Variants in HDAC4 observed in about 807,000 individuals in gnomAD.
HDAC4 encodes histone deacetylase A.
HDAC4 carries 16 observed loss-of-function variants against 135.1 expected under a neutral mutation model. That is an observed-to-expected ratio of 0.12 (90% CI 0.08 to 0.18). The LOEUF (loss-of-function observed/expected upper bound fraction) is 0.18. Ranked by LOEUF, HDAC4 falls within the 10% of genes least tolerant of loss-of-function variation. HDAC4 has a pLI of 1.00. For synonymous variants in HDAC4, 685 were observed against 653.4 expected, an observed-to-expected ratio of 1.05 and a Z score of -0.74; for missense variants, 1,143 against 1,511.8, an observed-to-expected ratio of 0.76 and a Z score of 4.05.
intron 2 of HDAC4, among the ~76,000 whole-genome samples, chr2:239,252,471 TC>T (rs2048837613): frequency 6.6e-6 from 1 of 152,212 alleles, no homozygotes; most frequent in Admixed American, 6.5e-5. Context: ...CCTCTGACTT[TC>T]CCCTCCTTCA....
rs191781069 is a variant in HDAC4, at chr2:239,195,712, T to A, written c.95-5635A>T. ...CAAAACAAAAAAGTCTGTATTCTCATGAATATTCTACGGTACAGCAGAAAA... is the reference window on the plus strand; with the variant it reads ...CAAAACAAAAAAGTCTGTATTCTCAAGAATATTCTACGGTACAGCAGAAAA... On this transcript the variant is annotated intron_variant, in intron 3 of 26. Transcript: ENST00000543185. Among the ~76,000 whole-genome samples, 9 of 152,314 alleles carry A rather than the reference T, an allele frequency of 5.9e-5. No homozygotes were observed. In the East Asian group the frequency reaches 1.7e-3, roughly 29 times the overall value.
chr2:239,064,018 C>T lies in HDAC4; in HGVS notation c.3003+2704G>A, dbSNP rs1201580881. ...GCCGATCATCTGCAGGCCTCACCCA[C>T]GGCCCTTAGATCAGGAGTCACTGCA... On this transcript the variant is annotated intron_variant, in intron 24 of 26. Coordinates refer to ENST00000543185, the MANE Select transcript of HDAC4 (RefSeq NM_001378414.1). 7.9e-5 allele frequency among the ~76,000 whole-genome samples: 12 copies of T among 152,350 alleles called. No individual in the cohort carries two copies. The East Asian group carries it at 1.5e-3, about 20-fold the overall frequency.
intron 3 of HDAC4, among the ~76,000 whole-genome samples, chr2:239,231,844 T>A (rs1393356421): frequency 2.5e-5 from 3 of 119,460 alleles, no homozygotes; most frequent in Admixed American, 1.7e-4. Flanking sequence ...GAGGTAGGCG[T>A]CCTCCCCGAA....
At chr2:239,282,051 A>C (rs62649965) in intron 2 of HDAC4, among the ~76,000 whole-genome samples, 8,834 of 149,950 alleles carry the variant, frequency 0.059, 478 homozygotes, top group Non-Finnish European at 0.083. Flanking sequence ...CCACTCTACA[A>C]TTTACCCACC....
intron 16 of HDAC4, among the ~76,000 whole-genome samples, chr2:239,095,339 A>T (rs2036920147): frequency 6.6e-6 from 1 of 152,202 alleles, no homozygotes. Flanking sequence ...AGAGGCACCA[A>T]GCCACTGGGG....
chr2:239,236,908 C>T (rs527429779), intron 2 of HDAC4, among the ~76,000 whole-genome samples: 166 of 152,300 alleles, frequency 1.1e-3, no homozygotes, highest in African/African-American at 3.9e-3. Flanking sequence ...ACTGGCTTAG[C>T]AATTTGGGTT....
intron 5 of HDAC4, among the ~76,000 whole-genome samples, chr2:239,173,873 C>T (rs372491153): frequency 6.6e-6 from 1 of 152,130 alleles, no homozygotes; most frequent in Non-Finnish European, 1.5e-5. Flanking sequence ...CCAAGCCATT[C>T]ACAATAGCAA....
At chr2:239,092,908 TTC>T (rs931488626) in intron 17 of HDAC4, among the ~76,000 whole-genome samples, 4 of 152,206 alleles carry the variant, frequency 2.6e-5, no homozygotes, top group Admixed American at 2.0e-4. Flanking sequence ...TCCTCTCCTT[TTC>T]TCTCTCTTTC....
At chr2:239,350,425 A>C (rs950271572) in intron 2 of HDAC4, among the ~76,000 whole-genome samples, 2 of 152,180 alleles carry the variant, frequency 1.3e-5, no homozygotes, top group Non-Finnish European at 2.9e-5. Context: ...TAAATAACTC[A>C]ACTGAGTTAA....
intron 3 of HDAC4, among the ~76,000 whole-genome samples, chr2:239,202,341 T>C (rs2045805825): frequency 6.6e-6 from 1 of 152,162 alleles, no homozygotes; most frequent in South Asian, 2.1e-4. Flanking sequence ...ACCTGGTCTC[T>C]CCAAATTTCC....
intron 7 of HDAC4, among the ~76,000 whole-genome samples, chr2:239,147,217 A>G (rs1380913052): frequency 1.3e-5 from 2 of 152,170 alleles, no homozygotes; most frequent in Non-Finnish European, 2.9e-5. Flanking sequence ...GAGAACAGAG[A>G]AGCCCTAGGG....
chr2:239,188,119 G>A (rs1481401064), intron 4 of HDAC4, among the ~76,000 whole-genome samples: 1 of 152,188 alleles, frequency 6.6e-6, no homozygotes, highest in Non-Finnish European at 1.5e-5. Context: ...GCCAGAGGGG[G>A]CCGAGTACAG....
At chr2:239,257,568 C>T (rs144727196) in intron 2 of HDAC4, among the ~76,000 whole-genome samples, 1 of 152,240 alleles carries the variant, frequency 6.6e-6, no homozygotes, top group East Asian at 1.9e-4. Context: ...GGGTTGGGAT[C>T]TGGAAGCAAC....
At chr2:239,235,772 G>A (rs1403515234) in intron 3 of HDAC4, among the ~76,000 whole-genome samples, 3 of 152,216 alleles carry the variant, frequency 2.0e-5, no homozygotes, top group Non-Finnish European at 4.4e-5. Context: ...GGGCGCGGTG[G>A]CTCACGCCTG....
rs538718721 is a variant in HDAC4, at chr2:239,334,671, G to C, written c.22+18007C>G. 5.9e-5 allele frequency among the ~76,000 whole-genome samples: 9 copies of C among 152,292 alleles called. No individual in the cohort carries two copies. The East Asian group carries it at 1.7e-3, about 29-fold the overall frequency. On this transcript the variant is annotated intron_variant, in intron 2 of 26. Transcript: ENST00000543185. ...ATAAACTGATTTCATATGCAAATCA[G>C]TGGATCCCAATTGAGACCACAGCAG... is the stretch of plus-strand genomic sequence containing the variant.
At chr2:239,073,157 C>T (rs938122143) in intron 22 of HDAC4, among the ~76,000 whole-genome samples, 1 of 152,228 alleles carries the variant, frequency 6.6e-6, no homozygotes, top group Admixed American at 6.5e-5. Flanking sequence ...AAGAAACTCA[C>T]TTCTGGAACT....
intron 2 of HDAC4, among the ~76,000 whole-genome samples, chr2:239,269,328 C>G (rs2049932612): frequency 6.6e-6 from 1 of 152,030 alleles, no homozygotes; most frequent in Admixed American, 6.5e-5. Flanking sequence ...CACATTCACA[C>G]ACCCACATAC....
chr2:239,352,871 G>GGT lies in HDAC4; in HGVS notation c.-173_-172insAC, dbSNP rs1669268265. The GGT allele has an allele frequency of 6.6e-5, 46 of 700,662 alleles. No individual in the cohort carries two copies. The South Asian group carries it at 6.9e-4, about 10-fold the overall frequency. The allele number at this position is 700,662 out of a possible 1,614,324, so 43.4% of individuals were successfully genotyped here. ...TCGCCGGCAAGGTCTCATGAGCCAGGTAACCCACAAGTTGAACAGAGGCGT... is the reference window on the plus strand; with the variant it reads ...TCGCCGGCAAGGTCTCATGAGCCAGGGTTAACCCACAAGTTGAACAGAGGCGT... On this transcript the variant is annotated 5_prime_UTR_variant, in exon 2 of 27. An upstream open reading frame in the 5' UTR loses its in-frame stop. Coordinates refer to ENST00000543185, the MANE Select transcript of HDAC4 (RefSeq NM_001378414.1). This position sits in a 1 kb window ranked among gnomAD's most constrained non-coding sequence, Gnocchi z 4.4.
chr2:239,217,053 C>T (rs2046682365), intron 3 of HDAC4, among the ~76,000 whole-genome samples: 1 of 152,196 alleles, frequency 6.6e-6, no homozygotes, highest in South Asian at 2.1e-4. Flanking sequence ...GAAAGGGAGC[C>T]TCCTTGGCAG....
Sources: gnomAD v4.1 joint callset for allele counts (sites outside exome capture counted in the v4.1 genomes callset) on GRCh38, gnomAD v4.1.1 for gene constraint, Gnocchi (gnomAD v3.1) non-coding constraint, MANE v1.5 for transcripts, NCBI Gene and HGNC (gene_info 2026-07-23, HGNC 2026-07-21) for gene names.